HHAT: variants seen among roughly 807,000 people sequenced by gnomAD.
The protein encoded by HHAT is hedgehog acyltransferase, also known as protein-cysteine N-palmitoyltransferase HHAT.
A neutral mutation model predicts 70.8 loss-of-function variants in HHAT; 47 were observed. The observed-to-expected ratio is 0.66, with a 90% confidence interval of 0.53 to 0.85. The LOEUF is 0.85. HHAT is among the 40% of genes least tolerant of loss of function. The probability of loss-of-function intolerance (pLI) is 0.00; values close to 1 mark genes in which losing one functional copy is unlikely to be tolerated. For missense variants in HHAT, 609 were observed against 604.8 expected, an observed-to-expected ratio of 1.01 and a Z score of -0.07; for synonymous variants, 228 against 247.6, an observed-to-expected ratio of 0.92 and a Z score of 0.74.
chr1:210,540,902 G>A (rs1042066061), intron 9 of HHAT, among the ~76,000 whole-genome samples: 1 of 151,824 alleles, frequency 6.6e-6, no homozygotes, highest in African/African-American at 2.4e-5. Context: ...GTGCGGTGGT[G>A]CAATCTCGGC....
chr1:210,571,361 A>G (rs1303991144), intron 9 of HHAT, among the ~76,000 whole-genome samples: 2 of 152,174 alleles, frequency 1.3e-5, no homozygotes, highest in African/African-American at 4.8e-5. Context: ...CTTTGGCTCC[A>G]TGAAATGGCT....
chr1:210,575,041 C>A (rs1474872808), intron 9 of HHAT, among the ~76,000 whole-genome samples: 1 of 151,964 alleles, frequency 6.6e-6, no homozygotes, highest in Non-Finnish European at 1.5e-5. Flanking sequence ...GGTGTATGTC[C>A]AAGATGGTGG....
chr1:210,395,891 A>G (rs6656669), intron 4 of HHAT, among the ~76,000 whole-genome samples: 35,983 of 152,080 alleles, frequency 0.24, 4,812 homozygotes, highest in African/African-American at 0.37. Context: ...CTTCCATCCA[A>G]TAGTTATGAA....
chr1:210,491,615 C>T (rs6675248), intron 8 of HHAT, among the ~76,000 whole-genome samples: 47,186 of 152,030 alleles, frequency 0.31, 7,478 homozygotes, highest in African/African-American at 0.37. Context: ...ACATACTAAA[C>T]ACCTAATAAA....
intron 11 of HHAT, among the ~76,000 whole-genome samples, chr1:210,641,000 T>C (rs1397377139): frequency 6.6e-6 from 1 of 152,214 alleles, no homozygotes. Context: ...ATCACACTAC[T>C]AAGAAAATGC....
chr1:210,664,751 T>A (rs1326963139), intron 11 of HHAT, among the ~76,000 whole-genome samples: 2 of 152,158 alleles, frequency 1.3e-5, no homozygotes, highest in South Asian at 2.1e-4. Context: ...CAGAACCACA[T>A]GTGACCCCTC....
At chr1:210,635,522 G>A (rs1202820656) in intron 11 of HHAT, among the ~76,000 whole-genome samples, 4 of 152,166 alleles carry the variant, frequency 2.6e-5, no homozygotes, top group Non-Finnish European at 2.9e-5. Context: ...GGGGGAGGCG[G>A]TGGGAAAGAT....
chr1:210,517,377 G>C (rs1410085505), intron 9 of HHAT, among the ~76,000 whole-genome samples: 2 of 152,158 alleles, frequency 1.3e-5, no homozygotes, highest in Admixed American at 1.3e-4. Flanking sequence ...TCCTCCCGCA[G>C]TGCTGGGATT....
chr1:210,369,696 A>T (rs1016772848), intron 3 of HHAT: 2 of 152,278 alleles, frequency 1.3e-5, no homozygotes, highest in African/African-American at 4.8e-5. Flanking sequence ...CTGGTGGTGC[A>T]ACAGCCACTG....
chr1:210,621,278 G>A (rs1436413406), intron 10 of HHAT, among the ~76,000 whole-genome samples: 6 of 152,018 alleles, frequency 3.9e-5, no homozygotes, highest in African/African-American at 1.5e-4. Flanking sequence ...AATCACACAG[G>A]GCCTTTGTGT....
chr1:210,486,081 A>G (rs572118958), intron 8 of HHAT, among the ~76,000 whole-genome samples: 1 of 152,288 alleles, frequency 6.6e-6, no homozygotes, highest in African/African-American at 2.4e-5. Flanking sequence ...ATTCTCACAT[A>G]TTTGCCCTTA....
In HHAT at chr1:210,340,245, A is replaced by G. The variant is rs201005673; in HGVS notation, c.-43-8688A>G. 2.2e-3 allele frequency among the ~76,000 whole-genome samples: 124 copies of G among 55,484 alleles called. 2 individuals carry two copies. The highest frequency in any genetic ancestry group is 0.016 in the African/African-American group (95 of 5,830). 36.4% of individuals were successfully genotyped at this position (55,484 alleles called of 152,430 possible). ...GATAGAGCAAGACTCTGTCTCAGAAAAAAAAAAAAAAAAAAAAAAAAAAGA... is the reference window on the plus strand; with the variant it reads ...GATAGAGCAAGACTCTGTCTCAGAAGAAAAAAAAAAAAAAAAAAAAAAAGA... On this transcript the variant is annotated intron_variant, in intron 1 of 11. Transcript: ENST00000261458.
chr1:210,518,477 A>G (rs1366261228), intron 9 of HHAT, among the ~76,000 whole-genome samples: 1 of 152,180 alleles, frequency 6.6e-6, no homozygotes, highest in Non-Finnish European at 1.5e-5. Flanking sequence ...TAAAATATAG[A>G]GATGAATCTC....
intron 9 of HHAT, among the ~76,000 whole-genome samples, chr1:210,533,878 TC>T (rs145291246): frequency 0.065 from 9,896 of 152,158 alleles, 631 homozygotes; most frequent in East Asian, 0.29. Context: ...CAATCCTGAC[TC>T]CAAGAACAAA....
intron 7 of HHAT, among the ~76,000 whole-genome samples, chr1:210,430,959 A>G (rs967225749): frequency 1.3e-5 from 2 of 151,788 alleles, no homozygotes; most frequent in South Asian, 4.1e-4. Flanking sequence ...CTTACATTCT[A>G]TAGCTGGTAA....
chr1:210,532,865 AAG>A (rs1430746787), intron 9 of HHAT, among the ~76,000 whole-genome samples: 12 of 152,236 alleles, frequency 7.9e-5, no homozygotes, highest in African/African-American at 2.9e-4. Context: ...GAAAGGAAGA[AAG>A]AGTCCTAGGG....
At chr1:210,636,257 G>T (rs987566594) in intron 11 of HHAT, among the ~76,000 whole-genome samples, 3 of 152,074 alleles carry the variant, frequency 2.0e-5, no homozygotes, top group Non-Finnish European at 4.4e-5. Flanking sequence ...AGACCAATAG[G>T]GCTGACCCAA....
chr1:210,372,058 T>C (rs930778099), intron 3 of HHAT, among the ~76,000 whole-genome samples: 1 of 152,230 alleles, frequency 6.6e-6, no homozygotes, highest in Non-Finnish European at 1.5e-5. Flanking sequence ...AAGTTTATAC[T>C]CTATTTGAGA....
intron 9 of HHAT, among the ~76,000 whole-genome samples, chr1:210,556,074 T>C (rs532300558): frequency 1.3e-5 from 2 of 152,268 alleles, no homozygotes; most frequent in South Asian, 4.2e-4. Flanking sequence ...AGAACGTTAG[T>C]GTGCAGGGAG....
Sources: allele counts gnomAD v4.1 joint callset (sites outside exome capture counted in the v4.1 genomes callset), GRCh38; gene constraint gnomAD v4.1.1; transcripts MANE v1.5; gene names NCBI Gene and HGNC (gene_info 2026-07-23, HGNC 2026-07-21).